The following ZNF138 variants were observed in gnomAD, a reference collection of about 807,000 sequenced individuals.
The protein encoded by ZNF138 is zinc finger protein 138.
ZNF138 carries 33 observed loss-of-function variants against 33.0 expected under a neutral mutation model. That is an observed-to-expected ratio of 1.00 (90% CI 0.76 to 1.34). The LOEUF (loss-of-function observed/expected upper bound fraction) is 1.34, where lower values mean the gene tolerates loss of function less well. ZNF138 is among the 40% of genes most tolerant of loss of function. ZNF138 has a pLI of 0.00. For synonymous variants in ZNF138, 139 were observed against 120.4 expected, an observed-to-expected ratio of 1.15 and a Z score of -1.01; for missense variants, 360 against 370.8, an observed-to-expected ratio of 0.97 and a Z score of 0.24.
chr7:64,815,043 G>T lies in ZNF138; in HGVS notation c.129G>T (p.Leu43Phe). 1 of 1,601,690 alleles carries T rather than the reference G, an allele frequency of 6.2e-7. No individual in the cohort carries two copies. Among genetic ancestry groups the T allele is most frequent in the Non-Finnish European group, 8.5e-7 (1 of 1,175,056 alleles). ...MLENYRNLVF[L>F]DLITCLEQGK... ...AGAACTACAGAAACCTGGTTTTCTTGGGTGAGAATAACTTCAGTACACATT... is the reference window on the plus strand; with the variant it reads ...AGAACTACAGAAACCTGGTTTTCTTTGGTGAGAATAACTTCAGTACACATT... Residue 43 changes from leucine (L) to phenylalanine (F), a missense_variant and splice_region_variant, in exon 2 of 4, where the codon TTG becomes TTT. By Grantham distance (22) the Leu-to-Phe change is conservative. Transcript: ENST00000307355.
At chr7:64,796,014 TC>T (rs1786660185) in intron 1 of ZNF138, among the ~76,000 whole-genome samples, 1 of 152,218 alleles carries the variant, frequency 6.6e-6, no homozygotes, top group Non-Finnish European at 1.5e-5. Flanking sequence ...GGTGTACTCT[TC>T]CTTTGAAAAG....
At chr7:64,798,531 C>T (rs1247547215) in intron 1 of ZNF138, among the ~76,000 whole-genome samples, 2 of 152,202 alleles carry the variant, frequency 1.3e-5, no homozygotes, top group African/African-American at 2.4e-5. Flanking sequence ...GTGGCTTACG[C>T]CTGTAATCCC....
At chr7:64,817,701 A>G (rs1487982473) in intron 3 of ZNF138, among the ~76,000 whole-genome samples, 3 of 152,122 alleles carry the variant, frequency 2.0e-5, no homozygotes, top group Admixed American at 6.5e-5. Flanking sequence ...GTTGGGGCAT[A>G]AAAAAATAGG....
At position 64,832,053 on chromosome 7, in the gene ZNF138, A is replaced by C; in HGVS notation, c.811A>C (p.Ile271Leu). The change falls in exon 4 of 4, where the codon ATA becomes CTA. Residue 271 changes from isoleucine to leucine, a missense_variant. By Grantham distance (5) the Ile-to-Leu change is conservative. Transcript: ENST00000307355. ...GTCCTCACACCTTACTAGACATAAGATAATTCATACTGAAGAGAAACCCTA... is the reference window on the plus strand; with the variant it reads ...GTCCTCACACCTTACTAGACATAAGCTAATTCATACTGAAGAGAAACCCTA... ...KQSSHLTRHK[I>L]IHTEEKPYKC... 1.2e-6 allele frequency: 2 copies of C among 1,613,992 alleles called. No homozygotes were observed. The highest frequency in any genetic ancestry group is 1.7e-6 in the Non-Finnish European group (2 of 1,179,932).
At chr7:64,817,050 A>G (rs1201717940) in intron 3 of ZNF138, among the ~76,000 whole-genome samples, 1 of 152,246 alleles carries the variant, frequency 6.6e-6, no homozygotes, top group East Asian at 1.9e-4. Context: ...TTTGGTCTGC[A>G]TATGGTGGGC....
intron 3 of ZNF138, among the ~76,000 whole-genome samples, chr7:64,816,934 G>C (rs1583845132): frequency 6.6e-6 from 1 of 152,176 alleles, no homozygotes; most frequent in African/African-American, 2.4e-5. Context: ...TTACTGGCTT[G>C]TTACAACGGG....
chr7:64,828,216 A>G (rs964564174), intron 3 of ZNF138, among the ~76,000 whole-genome samples: 4 of 152,028 alleles, frequency 2.6e-5, no homozygotes, highest in African/African-American at 9.7e-5. Context: ...TTTACCTGTC[A>G]AAAACACATA....
the ZNF138 span, chr7:64,852,567 A>G: frequency 1.9e-6 from 3 of 1,562,558 alleles, no homozygotes; most frequent in South Asian, 2.2e-5. Context: ...TCTGCACAGA[A>G]CCGAGCTGTT....
At chr7:64,836,618 T>C (rs1790373170), downstream of ZNF138, 1 of 152,136 alleles carries the variant, frequency 6.6e-6, no homozygotes, top group African/African-American at 2.4e-5. Flanking sequence ...CCAGTGGAGG[T>C]ACTGACATAG....
the ZNF138 span, among the ~76,000 whole-genome samples, chr7:64,858,715 T>C: frequency 6.6e-6 from 1 of 152,234 alleles, no homozygotes; most frequent in Non-Finnish European, 1.5e-5. Context: ...TCTTTTACAC[T>C]CTGCATAGAA....
At chr7:64,796,027 A>T (rs1180016512) in intron 1 of ZNF138, among the ~76,000 whole-genome samples, 4 of 152,214 alleles carry the variant, frequency 2.6e-5, no homozygotes, top group Admixed American at 6.5e-5. Flanking sequence ...TTTGAAAAGC[A>T]AACCCTTTGA....
In ZNF138 at chr7:64,821,667, C is replaced by T. The variant is rs1789155752; in HGVS notation, c.208+6014C>T. Among the ~76,000 whole-genome samples, 3 of 151,306 alleles carry T rather than the reference C, an allele frequency of 2.0e-5. 1 individual carries two copies. The South Asian group carries it at 6.2e-4, about 31-fold the overall frequency. ...GTTCAAGTGATTCTCATGCCTCAGCCTCCTGAGTAGCTGGGATTACAGGCA... is the reference window on the plus strand; with the variant it reads ...GTTCAAGTGATTCTCATGCCTCAGCTTCCTGAGTAGCTGGGATTACAGGCA... On this transcript the variant is annotated intron_variant, in intron 3 of 3. Transcript: ENST00000307355.
chr7:64,853,434 G>A, the ZNF138 span: 27 of 729,562 alleles, frequency 3.7e-5, no homozygotes, highest in Admixed American at 5.6e-4. Context: ...TGGATCCACC[G>A]GCTCGCTTTG....
At chr7:64,847,332 AT>A in the ZNF138 span, among the ~76,000 whole-genome samples, 825 of 128,088 alleles carry the variant, frequency 6.4e-3, 3 homozygotes, top group African/African-American at 8.8e-3. Context: ...ATATATATAT[AT>A]TTTTTTTTTT....
At chr7:64,851,057 C>T in the ZNF138 span, among the ~76,000 whole-genome samples, 1 of 152,112 alleles carries the variant, frequency 6.6e-6, no homozygotes, top group Admixed American at 6.6e-5. Flanking sequence ...ATGATTTTGT[C>T]GAGTTAAATA....
At chr7:64,795,944 G>C (rs1786652155) in intron 1 of ZNF138, among the ~76,000 whole-genome samples, 1 of 152,218 alleles carries the variant, frequency 6.6e-6, no homozygotes, top group Non-Finnish European at 1.5e-5. Context: ...GACAACCTGA[G>C]GTTGGAGTGT....
the ZNF138 span, among the ~76,000 whole-genome samples, chr7:64,851,030 T>C: frequency 1.5e-4 from 23 of 152,178 alleles, no homozygotes; most frequent in African/African-American, 5.5e-4. Context: ...TATTTGAATA[T>C]ATGTATATAG....
chr7:64,818,213 T>C (rs1788832763), intron 3 of ZNF138, among the ~76,000 whole-genome samples: 1 of 151,958 alleles, frequency 6.6e-6, no homozygotes, highest in South Asian at 2.1e-4. Context: ...CTTGAACTCC[T>C]GATCTCAAGT....
the ZNF138 span, among the ~76,000 whole-genome samples, chr7:64,842,201 TTGCAGGTGCC>T: frequency 1.2e-4 from 19 of 152,312 alleles, no homozygotes; most frequent in Non-Finnish European, 2.5e-4. Context: ...GTAGCTGGGA[TTGCAGGTGCC>T]TGCCACTACA....
Sources: allele counts gnomAD v4.1 joint callset (sites outside exome capture counted in the v4.1 genomes callset), GRCh38; gene constraint gnomAD v4.1.1; transcripts MANE v1.5; gene names NCBI Gene and HGNC (gene_info 2026-07-23, HGNC 2026-07-21).